CPQ: variants seen among roughly 807,000 people sequenced by gnomAD.
CPQ encodes carboxypeptidase Q.
A neutral mutation model predicts 45.7 loss-of-function variants in CPQ; 37 were observed. The observed-to-expected ratio is 0.81, with a 90% confidence interval of 0.62 to 1.07. The LOEUF (loss-of-function observed/expected upper bound fraction) is 1.07, where lower values mean the gene tolerates loss of function less well. CPQ is among the 50% of genes least tolerant of loss of function. CPQ has a pLI of 0.00. For missense variants in CPQ, 537 were observed against 572.9 expected (o/e 0.94, Z 0.64); for synonymous variants, 186 against 205.8 (o/e 0.90, Z 0.82).
At chr8:97,057,983 CT>C (rs1810483182) in intron 6 of CPQ, among the ~76,000 whole-genome samples, 1 of 151,990 alleles carries the variant, frequency 6.6e-6, no homozygotes, top group African/African-American at 2.4e-5. Context: ...TGCTAATTTT[CT>C]TTTGAAAAAG....
At chr8:96,713,824 AG>A (rs1421125334) in intron 1 of CPQ, among the ~76,000 whole-genome samples, 3 of 152,206 alleles carry the variant, frequency 2.0e-5, no homozygotes, top group Admixed American at 2.0e-4. Flanking sequence ...CATTTGTTGT[AG>A]GGCTGGTGTG....
intron 1 of CPQ, among the ~76,000 whole-genome samples, chr8:96,667,503 C>T (rs1808942115): frequency 6.6e-6 from 1 of 151,964 alleles, no homozygotes; most frequent in African/African-American, 2.4e-5. Context: ...TGTGTGCCAC[C>T]ACGCCTGGCT....
At chr8:96,717,056 T>G (rs866967308) in intron 1 of CPQ, among the ~76,000 whole-genome samples, 3 of 88,644 alleles carry the variant, frequency 3.4e-5, no homozygotes, top group Non-Finnish European at 6.9e-5. Flanking sequence ...TATATATATA[T>G]ATATATATAT....
chr8:96,903,042 T>C (rs939960025), intron 4 of CPQ, among the ~76,000 whole-genome samples: 1 of 152,124 alleles, frequency 6.6e-6, no homozygotes, highest in African/African-American at 2.4e-5. Flanking sequence ...TTGGCATCTT[T>C]TCTTGCCTCA....
At chr8:97,093,687 C>T (rs547553810) in intron 7 of CPQ, among the ~76,000 whole-genome samples, 31 of 152,114 alleles carry the variant, frequency 2.0e-4, no homozygotes, top group Admixed American at 2.6e-4. Context: ...ACATTTGATG[C>T]GTATTACCTA....
chr8:97,101,278 T>G (rs1026674845), intron 7 of CPQ, among the ~76,000 whole-genome samples: 1 of 152,086 alleles, frequency 6.6e-6, no homozygotes, highest in Non-Finnish European at 1.5e-5. Flanking sequence ...GAAGCAGAAG[T>G]GAAAACTGCA....
chr8:96,867,154 T>C (rs1017533055), intron 3 of CPQ, among the ~76,000 whole-genome samples: 3 of 152,108 alleles, frequency 2.0e-5, no homozygotes, highest in Admixed American at 1.3e-4. Context: ...ATCTTGGCAA[T>C]GTTTCTTATA....
rs1809770798 is a variant in CPQ, at chr8:97,024,847, A to C, written c.962-4556A>C. 2.6e-5 allele frequency among the ~76,000 whole-genome samples: 4 copies of C among 152,228 alleles called. No homozygotes were observed. The South Asian group carries it at 8.3e-4, about 31-fold the overall frequency. ...GCACTCTCTTCTGGGCTGTTGCTGAAAGAGAGTGGGACAACAGGTGTATTT... is the reference window on the plus strand; with the variant it reads ...GCACTCTCTTCTGGGCTGTTGCTGACAGAGAGTGGGACAACAGGTGTATTT... On this transcript the variant is annotated intron_variant, in intron 5 of 7. Transcript: ENST00000220763.
intron 1 of CPQ, among the ~76,000 whole-genome samples, chr8:96,714,677 G>C (rs954365824): frequency 2.6e-5 from 4 of 152,048 alleles, no homozygotes; most frequent in African/African-American, 9.7e-5. Flanking sequence ...CATTGCTGGA[G>C]AGCTACTGTG....
chr8:97,066,016 T>C lies in CPQ; in HGVS notation c.1061T>C (p.Ile354Thr), dbSNP rs1233466253. The C allele has an allele frequency of 3.1e-6, 5 of 1,610,142 alleles. No individual in the cohort carries two copies. Among genetic ancestry groups the C allele is most frequent in the Non-Finnish European group, 3.4e-6 (4 of 1,179,212 alleles). ...ATTTTCTCTTGTGTTTAGGTAAATA[T>C]TTCCAACTACAGTCTGGTGATGGAG... ...FQYYQLHKVNISNYSLVMESD... is the reference protein window; with the variant it reads ...FQYYQLHKVNTSNYSLVMESD... Residue 354 changes from isoleucine (I) to threonine (T), a missense_variant, in exon 7 of 8, where the codon ATT becomes ACT. Ile to Thr is a moderately conservative substitution (Grantham distance 89). Transcript: ENST00000220763.
In CPQ at chr8:96,692,613, A is replaced by G. The variant is rs149119777; in HGVS notation, c.-35+47211A>G. Among the ~76,000 whole-genome samples, 287 of 152,364 alleles carry G rather than the reference A, an allele frequency of 1.9e-3. 5 individuals are homozygous for G. Among genetic ancestry groups the G allele is most frequent in the Admixed American group, 0.012 (191 of 15,304 alleles). On this transcript the variant is annotated intron_variant, in intron 1 of 7. Coordinates refer to ENST00000220763, the MANE Select transcript of CPQ (RefSeq NM_016134.4). ...AACTCTACAAGTCCACAGGAGCCACAGTTTTACTAAGCTTTAGGTGTCCCC... is the reference window on the plus strand; with the variant it reads ...AACTCTACAAGTCCACAGGAGCCACGGTTTTACTAAGCTTTAGGTGTCCCC...
chr8:96,687,536 C>T (rs1334538420), intron 1 of CPQ, among the ~76,000 whole-genome samples: 2 of 152,006 alleles, frequency 1.3e-5, no homozygotes. Context: ...TTCATTATTT[C>T]ACTTTTTATG....
chr8:97,011,263 T>G (rs1809479587), intron 5 of CPQ, among the ~76,000 whole-genome samples: 1 of 152,210 alleles, frequency 6.6e-6, no homozygotes, highest in South Asian at 2.1e-4. Flanking sequence ...AAATGCCCTT[T>G]GCATTGGTCT....
At chr8:96,749,323 G>C (rs551332749) in intron 1 of CPQ, among the ~76,000 whole-genome samples, 1 of 152,192 alleles carries the variant, frequency 6.6e-6, no homozygotes. Flanking sequence ...GTTTAACTCT[G>C]TCAAAGAGCA....
At chr8:97,129,130 A>T (rs1462805350) in intron 7 of CPQ, among the ~76,000 whole-genome samples, 1 of 152,190 alleles carries the variant, frequency 6.6e-6, no homozygotes, top group African/African-American at 2.4e-5. Flanking sequence ...GAGACATGAA[A>T]TCTAATAGAA....
intron 5 of CPQ, among the ~76,000 whole-genome samples, chr8:96,996,959 G>A (rs922103802): frequency 2.0e-5 from 3 of 152,064 alleles, no homozygotes; most frequent in Admixed American, 6.6e-5. Context: ...CCTTGTTTTC[G>A]AAAAGTCCCA....
intron 7 of CPQ, among the ~76,000 whole-genome samples, chr8:97,123,533 T>C (rs180755160): frequency 4.0e-5 from 6 of 151,520 alleles, no homozygotes; most frequent in Admixed American, 3.3e-4. Context: ...GTATAGCCAA[T>C]AAGCCATAGA....
intron 3 of CPQ, among the ~76,000 whole-genome samples, chr8:96,864,704 A>G (rs146116014): frequency 6.6e-6 from 1 of 152,208 alleles, no homozygotes; most frequent in African/African-American, 2.4e-5. Flanking sequence ...TGAGTTTTAA[A>G]TAAATATCTT....
chr8:96,726,103 C>T (rs1349566630), intron 1 of CPQ, among the ~76,000 whole-genome samples: 1 of 152,014 alleles, frequency 6.6e-6, no homozygotes, highest in African/African-American at 2.4e-5. Flanking sequence ...GGTAGAGAGG[C>T]AGGGGGTCAA....
Sources: allele counts gnomAD v4.1 joint callset (sites outside exome capture counted in the v4.1 genomes callset), GRCh38; gene constraint gnomAD v4.1.1; transcripts MANE v1.5; gene names NCBI Gene and HGNC (gene_info 2026-07-23, HGNC 2026-07-21).